The following SHANK1 variants were observed in gnomAD, a reference collection of about 807,000 sequenced individuals.
The protein encoded by SHANK1 is SH3 and multiple ankyrin repeat domains protein 1.
A neutral mutation model predicts 165.6 loss-of-function variants in SHANK1; 35 were observed. That is an observed-to-expected ratio of 0.21 (90% CI 0.16 to 0.28). SHANK1 has a LOEUF of 0.28. Ranked by LOEUF, SHANK1 falls within the 10% of genes least tolerant of loss-of-function variation. The pLI is 1.00. For synonymous variants in SHANK1, 1,428 were observed against 1,384.8 expected, an observed-to-expected ratio of 1.03 and a Z score of -0.69; for missense variants, 2,681 against 3,036.4, an observed-to-expected ratio of 0.88 and a Z score of 2.75.
chr19:50,687,545 C>A (rs917760508), intron 19 of SHANK1, 37 bp downstream of exon 19: 6 of 1,515,938 alleles, frequency 4.0e-6, no homozygotes, highest in South Asian at 1.2e-5. Flanking sequence ...TCCCCTCTCC[C>A]CCCGGCCCCC....
rs1270536471 is a variant in SHANK1, at chr19:50,671,186, T to G, written c.2674+832A>C. 2.2e-5 allele frequency among the ~76,000 whole-genome samples: 3 copies of G among 136,738 alleles called. No individual in the cohort carries two copies. In the East Asian group the frequency reaches 6.1e-4, roughly 28 times the overall value. The allele number at this position is 136,738 out of a possible 152,430, so 89.7% of individuals were successfully genotyped here. A position where few individuals can be genotyped will look rare whatever the true frequency, so the allele number is the denominator to read the frequency against. ...TCCATTATTTTTTTTCACTCTTTTT[T>G]TTTTTTTTTTTTTTTGAGACAGAGG... On this transcript the variant is annotated intron_variant, in intron 22 of 23. Transcript: ENST00000293441.
intron 8 of SHANK1, among the ~76,000 whole-genome samples, chr19:50,706,754 T>C (rs1424516153): frequency 1.3e-5 from 2 of 151,790 alleles, no homozygotes; most frequent in Non-Finnish European, 2.9e-5. Flanking sequence ...TCCTCTTCCT[T>C]GCTTTATTTT....
chr19:50,680,560 G>A (rs961154238), intron 21 of SHANK1, among the ~76,000 whole-genome samples: 2 of 151,950 alleles, frequency 1.3e-5, no homozygotes, highest in African/African-American at 4.8e-5. Flanking sequence ...TGGGCTCCGC[G>A]CCCCTGCTGT....
In SHANK1 at chr19:50,686,486, C is replaced by T; in HGVS notation, c.2459-131G>A. On this transcript the variant is annotated intron_variant, in intron 20 of 23. Coordinates refer to ENST00000293441, the MANE Select transcript of SHANK1 (RefSeq NM_016148.5). This position sits in a 1 kb window ranked among gnomAD's most constrained non-coding sequence, Gnocchi z 5.7. Reference sequence around the variant, plus strand: ...GATCAACCAGGAAAGGGCAGCCCTGCCTGGGTCCGGGTGGACGGGCAGTCC... The same window carrying T: ...GATCAACCAGGAAAGGGCAGCCCTGTCTGGGTCCGGGTGGACGGGCAGTCC... 1.3e-6 allele frequency: 1 copy of T among 773,826 alleles called. No homozygotes were observed. The highest frequency in any genetic ancestry group is 1.7e-5 in the South Asian group (1 of 57,686). 47.9% of individuals were successfully genotyped at this position (773,826 alleles called of 1,614,324 possible).
intron 7 of SHANK1, 34 bp downstream of exon 7, chr19:50,711,913 C>T (rs372851557): frequency 6.2e-7 from 1 of 1,612,336 alleles, no homozygotes; most frequent in South Asian, 1.1e-5. Flanking sequence ...CTGGGTCCCC[C>T]ACCCCAGCCC....
chr19:50,711,825 C>T lies in SHANK1; in HGVS notation c.960+122G>A. 2.7e-6 allele frequency: 3 copies of T among 1,125,240 alleles called. No homozygotes were observed. The Admixed American group carries it at 5.9e-5, about 22-fold the overall frequency. 69.7% of individuals were successfully genotyped at this position (1,125,240 alleles called of 1,614,324 possible). ...CCCCCACCATTTCCTCTTTGGGGAC[C>T]ATGTTATTCTCACCCCCATGCTCTG... On this transcript the variant is annotated intron_variant, in intron 7 of 23. Transcript: ENST00000293441.
intron 21 of SHANK1, among the ~76,000 whole-genome samples, chr19:50,679,799 CAAG>C (rs1986113691): frequency 6.6e-6 from 1 of 151,280 alleles, no homozygotes; most frequent in South Asian, 2.1e-4. Context: ...GAGAGGGAGA[CAAG>C]GAGACACAGA....
Position 50,697,945 on chromosome 19 carries a change from C to T in SHANK1, c.1759G>A (p.Gly587Arg). The change falls in exon 13 of 24, where the codon GGG becomes AGG. Residue 587 changes from glycine to arginine, a missense_variant. Transcript: ENST00000293441. The surrounding 1 kb of genome is among the most constrained non-coding windows in gnomAD (Gnocchi z 4.7). ...TGGCCTTCCCAGAAGCCTCCTTCCC[C>T]GATGCTAAGTACTGGATGGGGAACG... ...KGEKIKVLSI[G>R]EGGFWEGQVK... 2.5e-6 allele frequency: 4 copies of T among 1,612,948 alleles called. No homozygotes were observed. The highest frequency in any genetic ancestry group is 3.4e-6 in the Non-Finnish European group (4 of 1,179,146).
chr19:50,674,775 A>G (rs1013859613), intron 21 of SHANK1, among the ~76,000 whole-genome samples: 1 of 152,042 alleles, frequency 6.6e-6, no homozygotes, highest in African/African-American at 2.4e-5. Flanking sequence ...AAAAATTACA[A>G]AAATTGCTGG....
intron 15 of SHANK1, among the ~76,000 whole-genome samples, chr19:50,695,552 C>G (rs908769930): frequency 2.0e-5 from 3 of 151,806 alleles, no homozygotes; most frequent in Admixed American, 2.0e-4. Context: ...AGAGCCCTCC[C>G]GCGCAGGTGC....
chr19:50,677,005 T>C (rs1986004820), intron 21 of SHANK1, among the ~76,000 whole-genome samples: 1 of 152,180 alleles, frequency 6.6e-6, no homozygotes. Flanking sequence ...GCAGCAATTT[T>C]GGACTATGAG....
At position 50,669,002 on chromosome 19, in the gene SHANK1, G is replaced by T. The variant is rs887712956; in HGVS notation, c.2958C>A (p.Ser986Arg). 2.8e-5 allele frequency: 23 copies of T among 809,092 alleles called. No homozygotes were observed. Among genetic ancestry groups the T allele is most frequent in the Non-Finnish European group, 4.1e-5 (22 of 532,414 alleles). The allele number at this position is 809,092 out of a possible 1,614,324, so 50.1% of individuals were successfully genotyped here. A position where few individuals can be genotyped will look rare whatever the true frequency, so the allele number is the denominator to read the frequency against. Residue 986 changes from serine to arginine, a missense_variant, in exon 23 of 24, where the codon AGC becomes AGA. Transcript: ENST00000293441. ...GGGGCAGGGGCCCACTGTGGTACAGGCTCTTCTCGCGGCTCCCCACGCGAG... is the reference window on the plus strand; with the variant it reads ...GGGGCAGGGGCCCACTGTGGTACAGTCTCTTCTCGCGGCTCCCCACGCGAG... ...PDTRVGSREK[S>R]LYHSGPLPPA...
chr19:50,706,959 G>A (rs2088945886), intron 8 of SHANK1, among the ~76,000 whole-genome samples: 1 of 151,938 alleles, frequency 6.6e-6, no homozygotes, highest in Admixed American at 6.6e-5. Context: ...TGTATTTTTA[G>A]TAGAGACAGG....
Position 50,667,356 on chromosome 19 carries a change from CTCGGGGAGG to C in SHANK1, c.4595_4603del (p.Thr1532_Pro1534del). ...GGGCAGCCCGTTCTCTTCGCTGGCC[CTCGGGGAGG>C]TCGGGGAGGGGGGCACGGACCGGCG... On this transcript the variant is annotated inframe_deletion, in exon 23 of 24. Transcript: ENST00000293441. The surrounding 1 kb of genome is among the most constrained non-coding windows in gnomAD (Gnocchi z 5.7). 12 of 1,550,088 alleles carry C rather than the reference CTCGGGGAGG, an allele frequency of 7.7e-6. No individual in the cohort carries two copies. The highest frequency in any genetic ancestry group is 1.2e-5 in the South Asian group (1 of 82,014).
intron 21 of SHANK1, among the ~76,000 whole-genome samples, chr19:50,677,319 G>A (rs761004212): frequency 6.6e-6 from 1 of 151,914 alleles, no homozygotes; most frequent in Non-Finnish European, 1.5e-5. Context: ...GTAGAGACAG[G>A]GGTTCACCAT....
intron 5 of SHANK1, 77 bp downstream of exon 5, chr19:50,714,105 A>G (rs1296124819): frequency 6.5e-7 from 1 of 1,534,432 alleles, no homozygotes; most frequent in Non-Finnish European, 9.0e-7. Flanking sequence ...TCAGGAATGG[A>G]TGTGAATGCA....
intron 21 of SHANK1, among the ~76,000 whole-genome samples, chr19:50,685,383 C>T (rs555367595): frequency 2.8e-4 from 43 of 152,282 alleles, no homozygotes; most frequent in African/African-American, 1.0e-3. Flanking sequence ...GGGCTAACAA[C>T]CTCGTGTACC....
intron 15 of SHANK1, among the ~76,000 whole-genome samples, chr19:50,694,570 G>A (rs1986662666): frequency 8.0e-6 from 1 of 125,414 alleles, no homozygotes; most frequent in Non-Finnish European, 1.7e-5. Flanking sequence ...GGGGCCTGCT[G>A]GGAGGAAGGT....
Position 50,688,616 on chromosome 19 carries a change from G to A in SHANK1, c.2172+228C>T, listed in dbSNP as rs1190473342. On this transcript the variant is annotated intron_variant, in intron 17 of 23. Transcript: ENST00000293441. This position sits in a 1 kb window ranked among gnomAD's most constrained non-coding sequence, Gnocchi z 6.7. ...AGCCGCTGTGCCTGGCCATCCCCCG[G>A]TATTGTGTATGTGTTGGGGACAGCT... Among the ~76,000 whole-genome samples, 1 of 152,120 alleles carries A rather than the reference G, an allele frequency of 6.6e-6. No homozygotes were observed. Among genetic ancestry groups the A allele is most frequent in the African/African-American group, 2.4e-5 (1 of 41,418 alleles).
Sources: gnomAD v4.1 joint callset for allele counts (sites outside exome capture counted in the v4.1 genomes callset) on GRCh38, gnomAD v4.1.1 for gene constraint, Gnocchi (gnomAD v3.1) non-coding constraint, MANE v1.5 for transcripts, NCBI Gene and HGNC (gene_info 2026-07-23, HGNC 2026-07-21) for gene names.